Variants in RALGAPA2 observed in about 807,000 individuals in gnomAD.
RALGAPA2 encodes ral GTPase-activating protein subunit alpha-2.
RALGAPA2 carries 139 observed loss-of-function variants against 230.4 expected under a neutral mutation model. The ratio of observed to expected loss-of-function variants is 0.60; its 90% CI spans 0.53 to 0.69. The LOEUF is 0.69. Among genes scored for constraint, RALGAPA2 ranks in the 30% least tolerant of loss-of-function variants. The probability of loss-of-function intolerance (pLI) is 0.00; values close to 1 mark genes in which losing one functional copy is unlikely to be tolerated. For missense variants in RALGAPA2, 2,163 were observed against 2,276.0 expected, an observed-to-expected ratio of 0.95 and a Z score of 1.01; for synonymous variants, 847 against 837.8, an observed-to-expected ratio of 1.01 and a Z score of -0.19.
At chr20:20,500,974 G>T (rs753417654) in intron 35 of RALGAPA2, among the ~76,000 whole-genome samples, 1 of 152,208 alleles carries the variant, frequency 6.6e-6, no homozygotes, top group Non-Finnish European at 1.5e-5. Context: ...CTTTTATTCT[G>T]AGTAGCAGGT....
At chr20:20,476,674 A>AAATAAAT (rs559177684) in intron 36 of RALGAPA2, among the ~76,000 whole-genome samples, 1 of 139,428 alleles carries the variant, frequency 7.2e-6, no homozygotes, top group Non-Finnish European at 1.6e-5. Context: ...CATAAATCAT[A>AAATAAAT]AAATAAATAA....
At chr20:20,509,473 T>C (rs998793593) in intron 33 of RALGAPA2, among the ~76,000 whole-genome samples, 2 of 152,220 alleles carry the variant, frequency 1.3e-5, no homozygotes, top group African/African-American at 4.8e-5. Context: ...GTCTGCATAT[T>C]TGATACTGAA....
intron 15 of RALGAPA2, 126 bp downstream of exon 15, chr20:20,605,049 T>C: frequency 1.4e-6 from 1 of 732,052 alleles, no homozygotes; most frequent in Non-Finnish European, 2.3e-6. Context: ...AATGCCACTA[T>C]TAAGAAGACA....
chr20:20,700,597 G>C (rs2069316406), intron 1 of RALGAPA2, among the ~76,000 whole-genome samples: 1 of 152,158 alleles, frequency 6.6e-6, no homozygotes, highest in African/African-American at 2.4e-5. Flanking sequence ...TCTCATGAAA[G>C]ACTATCTGGG....
intron 37 of RALGAPA2, among the ~76,000 whole-genome samples, chr20:20,441,888 A>G (rs1471099013): frequency 2.0e-5 from 3 of 152,232 alleles, no homozygotes; most frequent in Admixed American, 6.5e-5. Context: ...CACAAATAAC[A>G]TAAGACAAGC....
At chr20:20,488,538 GGTCATT>G in intron 36 of RALGAPA2, among the ~76,000 whole-genome samples, 1 of 152,160 alleles carries the variant, frequency 6.6e-6, no homozygotes, top group East Asian at 1.9e-4. Context: ...GGGTTTGCCT[GGTCATT>G]TCAATTCTCT....
chr20:20,619,668 G>A (rs1405019802), intron 11 of RALGAPA2, among the ~76,000 whole-genome samples: 2 of 152,202 alleles, frequency 1.3e-5, no homozygotes, highest in Non-Finnish European at 2.9e-5. Flanking sequence ...TCCAATGACT[G>A]AGTGAGCATG....
chr20:20,560,141 T>C (rs6137059), intron 23 of RALGAPA2, among the ~76,000 whole-genome samples: 11,161 of 151,976 alleles, frequency 0.073, 569 homozygotes, highest in East Asian at 0.16. Flanking sequence ...CACAGGGCTC[T>C]TGCATGATGG....
intron 37 of RALGAPA2, among the ~76,000 whole-genome samples, chr20:20,419,467 C>T (rs544645147): frequency 1.2e-3 from 176 of 152,124 alleles, no homozygotes; most frequent in African/African-American, 4.0e-3. Context: ...AGAAAAGAGA[C>T]AGTACTATTT....
At chr20:20,587,314 C>T (rs766431428) in intron 18 of RALGAPA2, among the ~76,000 whole-genome samples, 2 of 151,734 alleles carry the variant, frequency 1.3e-5, no homozygotes, top group African/African-American at 2.4e-5. Context: ...TTGTACTGTC[C>T]GAAAGATAAA....
chr20:20,459,425 CT>C (rs11476592), intron 37 of RALGAPA2, among the ~76,000 whole-genome samples: 9,929 of 129,384 alleles, frequency 0.077, 449 homozygotes, highest in East Asian at 0.17. Context: ...GGTTTTTTTG[CT>C]TTTTTTTTTT....
intron 14 of RALGAPA2, 22 bp downstream of exon 14, chr20:20,611,293 T>C: frequency 6.3e-7 from 1 of 1,588,202 alleles, no homozygotes; most frequent in Admixed American, 1.7e-5. Flanking sequence ...GCATTTGCAG[T>C]GCTTTCATAA....
At chr20:20,516,638 T>A (rs1449631938) in intron 31 of RALGAPA2, among the ~76,000 whole-genome samples, 1 of 152,096 alleles carries the variant, frequency 6.6e-6, no homozygotes, top group Non-Finnish European at 1.5e-5. Context: ...TCTACATCAC[T>A]CCCCTGCCAC....
At chr20:20,645,031 T>C (rs1300259331) in intron 4 of RALGAPA2, among the ~76,000 whole-genome samples, 2 of 151,930 alleles carry the variant, frequency 1.3e-5, no homozygotes, top group Non-Finnish European at 2.9e-5. Context: ...TCCTGGTCAT[T>C]GTGTGTGAGC....
chr20:20,439,893 C>T (rs2060699409), intron 37 of RALGAPA2, among the ~76,000 whole-genome samples: 1 of 152,164 alleles, frequency 6.6e-6, no homozygotes, highest in Admixed American at 6.5e-5. Flanking sequence ...CTGTGCTTAG[C>T]AAATGAAATA....
intron 16 of RALGAPA2, among the ~76,000 whole-genome samples, chr20:20,600,957 G>T (rs936587228): frequency 6.6e-6 from 1 of 152,050 alleles, no homozygotes; most frequent in Admixed American, 6.6e-5. Flanking sequence ...AAAATTAGCC[G>T]GGCGTCGTGG....
At chr20:20,467,775 C>T (rs186908272) in intron 37 of RALGAPA2, among the ~76,000 whole-genome samples, 404 of 152,280 alleles carry the variant, frequency 2.7e-3, no homozygotes, top group Admixed American at 4.4e-3. Context: ...TAACTATGAA[C>T]GCATCAGAGA....
chr20:20,506,702 T>C (rs1378752570), intron 33 of RALGAPA2, among the ~76,000 whole-genome samples: 2 of 152,228 alleles, frequency 1.3e-5, no homozygotes, highest in Non-Finnish European at 2.9e-5. Flanking sequence ...TTAATATTTG[T>C]TTAGTATTTC....
At chr20:20,490,662 T>C (rs546918556) in intron 36 of RALGAPA2, among the ~76,000 whole-genome samples, 1 of 152,276 alleles carries the variant, frequency 6.6e-6, no homozygotes, top group Non-Finnish European at 1.5e-5. Context: ...ACTCTCCCTA[T>C]ACCGTGAGGC....
Sources: gnomAD v4.1 joint callset for allele counts (sites outside exome capture counted in the v4.1 genomes callset) on GRCh38, gnomAD v4.1.1 for gene constraint, MANE v1.5 for transcripts, NCBI Gene and HGNC (gene_info 2026-07-23, HGNC 2026-07-21) for gene names.